RALYL: variants seen among roughly 807,000 people sequenced by gnomAD.
RALYL encodes the protein RNA-binding Raly-like protein.
In RALYL, 29 loss-of-function variants were observed where a neutral mutation model predicts 35.1. The observed-to-expected ratio is 0.83, with a 90% CI of 0.61 to 1.13. The LOEUF is 1.13. RALYL is among the 50% of genes most tolerant of loss of function. RALYL has a pLI of 0.00. For synonymous variants in RALYL, 120 were observed against 127.6 expected (o/e 0.94, Z 0.40); for missense variants, 359 against 360.4 (o/e 1.00, Z 0.03).
intron 8 of RALYL, among the ~76,000 whole-genome samples, chr8:84,901,273 GT>G (rs931863998): frequency 2.0e-5 from 3 of 152,238 alleles, no homozygotes; most frequent in African/African-American, 7.2e-5. Context: ...TCCGTCTAAA[GT>G]TTTGTCAAGC....
intron 3 of RALYL, among the ~76,000 whole-genome samples, chr8:84,786,247 A>C (rs1819425379): frequency 6.6e-6 from 1 of 152,098 alleles, no homozygotes; most frequent in African/African-American, 2.4e-5. Context: ...ATTTGGTTTG[A>C]TTCCATGTAT....
chr8:84,799,029 T>C (rs570661319), intron 3 of RALYL, among the ~76,000 whole-genome samples: 6 of 152,150 alleles, frequency 3.9e-5, no homozygotes, highest in Non-Finnish European at 8.8e-5. Flanking sequence ...AATATAGTAA[T>C]AAAGTTATAT....
intron 1 of RALYL, among the ~76,000 whole-genome samples, chr8:84,455,381 G>T (rs1587422949): frequency 6.6e-6 from 1 of 151,962 alleles, no homozygotes; most frequent in African/African-American, 2.4e-5. Context: ...AGCTCATTAT[G>T]AGAGAAGAAG....
intron 1 of RALYL, among the ~76,000 whole-genome samples, chr8:84,284,952 A>G (rs1837310977): frequency 6.6e-6 from 1 of 152,210 alleles, no homozygotes; most frequent in African/African-American, 2.4e-5. Context: ...ATGTCTATTT[A>G]AACTACAATA....
At chr8:84,788,439 C>A (rs899172226) in intron 3 of RALYL, among the ~76,000 whole-genome samples, 2 of 151,952 alleles carry the variant, frequency 1.3e-5, no homozygotes, top group African/African-American at 2.4e-5. Flanking sequence ...AATTTTATAA[C>A]CAAAAAATGA....
intron 4 of RALYL, among the ~76,000 whole-genome samples, chr8:84,835,225 G>A (rs1831708632): frequency 6.6e-6 from 1 of 152,140 alleles, no homozygotes; most frequent in Non-Finnish European, 1.5e-5. Flanking sequence ...AATTAGCTAA[G>A]TGACAAGAGA....
chr8:84,189,848 G>C (rs1813431338), intron 1 of RALYL, among the ~76,000 whole-genome samples: 1 of 152,118 alleles, frequency 6.6e-6, no homozygotes, highest in Admixed American at 6.5e-5. Flanking sequence ...TGAGTGCTTT[G>C]AGCAGAAACA....
intron 2 of RALYL, among the ~76,000 whole-genome samples, chr8:84,659,645 G>A (rs979906352): frequency 6.6e-6 from 1 of 152,112 alleles, no homozygotes; most frequent in African/African-American, 2.4e-5. Context: ...ATGTGATAGT[G>A]GACTAGGAGT....
chr8:84,567,996 G>A (rs2061903736), intron 2 of RALYL, among the ~76,000 whole-genome samples: 1 of 151,526 alleles, frequency 6.6e-6, no homozygotes, highest in Admixed American at 6.6e-5. Context: ...TTGGCTGCTT[G>A]TGTGTTTTCT....
intron 3 of RALYL, among the ~76,000 whole-genome samples, chr8:84,777,655 C>T (rs2450933): frequency 0.23 from 34,758 of 151,830 alleles, 4,182 homozygotes; most frequent in Non-Finnish European, 0.25. Flanking sequence ...TTTTATTTTG[C>T]TTTTGAGACA....
chr8:84,545,665 T>A (rs1730312440), intron 2 of RALYL, among the ~76,000 whole-genome samples: 5 of 152,292 alleles, frequency 3.3e-5, no homozygotes. Context: ...ATACATTCTT[T>A]TAAATTTGTT....
chr8:84,728,439 A>T (rs897160945), intron 2 of RALYL, among the ~76,000 whole-genome samples: 3 of 151,204 alleles, frequency 2.0e-5, no homozygotes, highest in East Asian at 1.9e-4. Context: ...GTTCACTCTG[A>T]TGGTAGTTTC....
intron 1 of RALYL, among the ~76,000 whole-genome samples, chr8:84,515,515 A>G (rs2057990843): frequency 6.6e-6 from 1 of 152,142 alleles, no homozygotes; most frequent in African/African-American, 2.4e-5. Context: ...ACAGTAGTCA[A>G]AACTATTTTT....
intron 1 of RALYL, among the ~76,000 whole-genome samples, chr8:84,463,938 C>G (rs1181877388): frequency 6.6e-6 from 1 of 151,952 alleles, no homozygotes. Context: ...CTTTGTATCC[C>G]TATAGTTTCG....
intron 1 of RALYL, among the ~76,000 whole-genome samples, chr8:84,448,686 A>G (rs1400677805): frequency 2.0e-5 from 3 of 152,100 alleles, no homozygotes; most frequent in South Asian, 2.1e-4. Context: ...AAATGAAGAC[A>G]AGGAGAACAA....
At chr8:84,342,880 C>T (rs1286868511) in intron 1 of RALYL, among the ~76,000 whole-genome samples, 2 of 151,980 alleles carry the variant, frequency 1.3e-5, no homozygotes, top group Non-Finnish European at 2.9e-5. Flanking sequence ...TGTTAGGCCT[C>T]TAGCTTTTCC....
intron 2 of RALYL, among the ~76,000 whole-genome samples, chr8:84,648,553 G>A (rs1216383707): frequency 6.6e-6 from 1 of 151,722 alleles, no homozygotes; most frequent in Non-Finnish European, 1.5e-5. Flanking sequence ...TTTTTCACAC[G>A]GGTGAACTAT....
chr8:84,705,317 G>A (rs1282906015), intron 2 of RALYL, among the ~76,000 whole-genome samples: 3 of 152,104 alleles, frequency 2.0e-5, no homozygotes, highest in Non-Finnish European at 4.4e-5. Flanking sequence ...GGGGGTGGGG[G>A]AAGCTTCTGG....
chr8:84,670,074 C>CT lies in RALYL; in HGVS notation c.257-104498dup, dbSNP rs533881555. Among the ~76,000 whole-genome samples, 24 of 151,918 alleles carry CT rather than the reference C, an allele frequency of 1.6e-4. No individual in the cohort carries two copies. The South Asian group carries it at 4.2e-3, about 26-fold the overall frequency. ...GAGCTTGTTCCTCTGAAACAGGGCT[C>CT]TTTTTTTCCTTCATTTTAAGGCATC... On this transcript the variant is annotated intron_variant, in intron 2 of 8. Coordinates refer to ENST00000521268, the MANE Select transcript of RALYL (RefSeq NM_173848.7).
Sources: gnomAD v4.1 joint callset for allele counts (sites outside exome capture counted in the v4.1 genomes callset) on GRCh38, gnomAD v4.1.1 for gene constraint, MANE v1.5 for transcripts, NCBI Gene and HGNC (gene_info 2026-07-23, HGNC 2026-07-21) for gene names.